The following GABPB1 variants were observed in gnomAD, a reference collection of about 807,000 sequenced individuals.
GABPB1 encodes GA binding protein transcription factor subunit beta 1.
In GABPB1, 15 loss-of-function variants were observed where a neutral mutation model predicts 45.9. The ratio of observed to expected loss-of-function variants is 0.33; its 90% CI spans 0.22 to 0.50. The LOEUF is 0.50. Among genes scored for constraint, GABPB1 ranks in the 20% least tolerant of loss-of-function variants. GABPB1 has a pLI of 0.98. For synonymous variants in GABPB1, 143 were observed against 154.4 expected, an observed-to-expected ratio of 0.93 and a Z score of 0.55; for missense variants, 252 against 457.5, an observed-to-expected ratio of 0.55 and a Z score of 4.10.
intron 7 of GABPB1, among the ~76,000 whole-genome samples, chr15:50,287,307 T>C (rs1395992727): frequency 1.3e-5 from 2 of 152,324 alleles, no homozygotes; most frequent in East Asian, 3.9e-4. Flanking sequence ...ACATAAACTT[T>C]AGAAGCCATT....
At chr15:50,281,491 G>C (rs7180278) in intron 8 of GABPB1, among the ~76,000 whole-genome samples, 1 of 152,074 alleles carries the variant, frequency 6.6e-6, no homozygotes, top group Non-Finnish European at 1.5e-5. Context: ...GATTACAGGC[G>C]TGAGCCACTG....
At chr15:50,286,873 CTG>C (rs1476877885) in intron 7 of GABPB1, among the ~76,000 whole-genome samples, 3 of 152,136 alleles carry the variant, frequency 2.0e-5, no homozygotes, top group African/African-American at 7.2e-5. Context: ...ATAAAAATGA[CTG>C]TGCAAGCTGA....
Position 50,282,258 on chromosome 15 carries a change from A to G in GABPB1, c.1000-3474T>C, listed in dbSNP as rs149766448. 2,667 of 454,192 alleles carry G rather than the reference A, an allele frequency of 5.9e-3. 16 individuals are homozygous for G. Among genetic ancestry groups the G allele is most frequent in the Non-Finnish European group, 9.1e-3 (2,064 of 226,262 alleles). 28.1% of individuals were successfully genotyped at this position (454,192 alleles called of 1,614,324 possible). A position where few individuals can be genotyped will look rare whatever the true frequency, so the allele number is the denominator to read the frequency against. ...ATACATAAAAACACTAATTTAAAAAAAGAGAGAGAAGAGATATGACCTGGA... is the reference window on the plus strand; with the variant it reads ...ATACATAAAAACACTAATTTAAAAAGAGAGAGAGAAGAGATATGACCTGGA... On this transcript the variant is annotated intron_variant, in intron 8 of 8. Transcript: ENST00000380877.
chr15:50,314,205 A>G (rs928890800), intron 1 of GABPB1, among the ~76,000 whole-genome samples: 19 of 149,292 alleles, frequency 1.3e-4, no homozygotes, highest in South Asian at 4.2e-4. Flanking sequence ...ATTTTTTGAG[A>G]CGGAGTCTCG....
chr15:50,337,363 TTTTTGAAAGACTA>T (rs1033884228), intron 1 of GABPB1, among the ~76,000 whole-genome samples: 3 of 151,888 alleles, frequency 2.0e-5, no homozygotes, highest in Non-Finnish European at 4.4e-5. Flanking sequence ...TTTAAAGCAT[TTTTTGAAAGACTA>T]AGCCAGCAAT....
intron 1 of GABPB1, among the ~76,000 whole-genome samples, chr15:50,336,353 C>CAAAAAA (rs1178314012): frequency 8.6e-6 from 1 of 115,900 alleles, no homozygotes. Flanking sequence ...GACTCTGTCC[C>CAAAAAA]AAAAAAAAAA....
intron 1 of GABPB1, among the ~76,000 whole-genome samples, chr15:50,345,805 G>C (rs948241674): frequency 4.0e-5 from 6 of 151,706 alleles, no homozygotes; most frequent in African/African-American, 1.5e-4. Context: ...TCCGCCTCCC[G>C]GGTACACGCC....
intron 1 of GABPB1, among the ~76,000 whole-genome samples, chr15:50,332,276 C>T (rs2047974795): frequency 6.6e-6 from 1 of 151,820 alleles, no homozygotes; most frequent in African/African-American, 2.4e-5. Context: ...GAAGTTATAC[C>T]CTCTGTTTCT....
At chr15:50,291,322 AT>A (rs10608855) in intron 6 of GABPB1, among the ~76,000 whole-genome samples, 3,086 of 148,292 alleles carry the variant, frequency 0.021, 99 homozygotes, top group African/African-American at 0.072. Flanking sequence ...TATCCATTGA[AT>A]TTTTTTTTTT....
intron 1 of GABPB1, among the ~76,000 whole-genome samples, chr15:50,326,938 A>G (rs2047791262): frequency 6.6e-6 from 1 of 152,172 alleles, no homozygotes; most frequent in African/African-American, 2.4e-5. Context: ...GACAGCCTTT[A>G]TCCTTGTAAG....
intron 1 of GABPB1, among the ~76,000 whole-genome samples, chr15:50,314,192 TTTA>T (rs1368111554): frequency 1.0e-5 from 1 of 99,750 alleles, no homozygotes; most frequent in Admixed American, 9.8e-5. Context: ...TATTTATTTA[TTTA>T]TTTTTTGAGA....
chr15:50,293,788 T>C (rs1204969229), intron 6 of GABPB1, among the ~76,000 whole-genome samples: 1 of 152,172 alleles, frequency 6.6e-6, no homozygotes. Flanking sequence ...GCCTTTCATC[T>C]AAAAAGCTTT....
At chr15:50,313,092 T>C (rs2047187762) in intron 1 of GABPB1, among the ~76,000 whole-genome samples, 4 of 152,118 alleles carry the variant, frequency 2.6e-5, no homozygotes, top group Non-Finnish European at 4.4e-5. Context: ...GGCAAAGAAA[T>C]ATATTTACCA....
chr15:50,324,537 T>C (rs12913003), intron 1 of GABPB1, among the ~76,000 whole-genome samples: 1 of 144,876 alleles, frequency 6.9e-6, no homozygotes, highest in South Asian at 2.2e-4. Flanking sequence ...AATGTCTCCG[T>C]GGCTTTTTTT....
chr15:50,286,780 C>T (rs1327579327), intron 7 of GABPB1, among the ~76,000 whole-genome samples: 4 of 152,130 alleles, frequency 2.6e-5, no homozygotes, highest in African/African-American at 9.7e-5. Flanking sequence ...TACTGTTGGG[C>T]TTTTTCTCAA....
intron 1 of GABPB1, among the ~76,000 whole-genome samples, chr15:50,330,766 CTA>C (rs1278061192): frequency 2.0e-5 from 3 of 152,198 alleles, no homozygotes; most frequent in Non-Finnish European, 4.4e-5. Flanking sequence ...AGCATAATCT[CTA>C]TGTTTCTCTT....
At chr15:50,346,804 T>TTC (rs34009139) in intron 1 of GABPB1, among the ~76,000 whole-genome samples, 1 of 150,436 alleles carries the variant, frequency 6.6e-6, no homozygotes, top group Non-Finnish European at 1.5e-5. Context: ...TTTTTTTTTT[T>TTC]TGAGACAGAG....
intron 5 of GABPB1, 137 bp from the exon 6 acceptor site, chr15:50,301,039 T>C: frequency 1.2e-6 from 1 of 811,250 alleles, no homozygotes; most frequent in East Asian, 2.6e-5. Context: ...CTGCAGTAAA[T>C]TTTGTAATAT....
At chr15:50,298,015 C>T (rs2046582492) in intron 6 of GABPB1, among the ~76,000 whole-genome samples, 2 of 152,200 alleles carry the variant, frequency 1.3e-5, no homozygotes. Context: ...TGGAGTCACA[C>T]ATTTAAATGT....
Sources: gnomAD v4.1 joint callset for allele counts (sites outside exome capture counted in the v4.1 genomes callset) on GRCh38, gnomAD v4.1.1 for gene constraint, MANE v1.5 for transcripts, NCBI Gene and HGNC (gene_info 2026-07-23, HGNC 2026-07-21) for gene names.